The following NTRK2 variants were observed in gnomAD, a reference collection of about 807,000 sequenced individuals.
The protein encoded by NTRK2 is neurotrophic receptor tyrosine kinase 2, also known as BDNF/NT-3 growth factors receptor.
NTRK2 carries 13 observed loss-of-function variants against 94.5 expected under a neutral mutation model. The ratio of observed to expected loss-of-function variants is 0.14; its 90% CI spans 0.09 to 0.22. The LOEUF is 0.22. Ranked by LOEUF, NTRK2 falls within the 10% of genes least tolerant of loss-of-function variation. The pLI is 1.00. For synonymous variants in NTRK2, 372 were observed against 407.4 expected, an observed-to-expected ratio of 0.91 and a Z score of 1.05; for missense variants, 639 against 1,071.2, an observed-to-expected ratio of 0.60 and a Z score of 5.63.
intron 12 of NTRK2, among the ~76,000 whole-genome samples, chr9:84,825,876 G>C (rs2073152462): frequency 6.6e-6 from 1 of 152,210 alleles, no homozygotes; most frequent in African/African-American, 2.4e-5. Context: ...GGCTTTCAAA[G>C]AAACAGATGA....
intron 12 of NTRK2, among the ~76,000 whole-genome samples, chr9:84,845,250 T>TACACACACACACACAC (rs58910921): frequency 7.0e-4 from 104 of 148,006 alleles, no homozygotes; most frequent in African/African-American, 2.5e-3. Flanking sequence ...ATGTGGTGTA[T>TACACACACACACACAC]ACACACACAC....
chr9:84,915,635 G>A (rs775437495), intron 14 of NTRK2, among the ~76,000 whole-genome samples: 6 of 152,112 alleles, frequency 3.9e-5, no homozygotes, highest in Non-Finnish European at 7.4e-5. Context: ...AAATTACCCA[G>A]CCTCAGGTAT....
In NTRK2 at chr9:84,975,086, G is replaced by A. The variant is rs538280969; in HGVS notation, c.2172+19569G>A. ...TGGAAGGCGGCACCCTCCCCCGGGGGAGCACACACAAGCTGCTGCAGGCAA... is the reference window on the plus strand; with the variant it reads ...TGGAAGGCGGCACCCTCCCCCGGGGAAGCACACACAAGCTGCTGCAGGCAA... On this transcript the variant is annotated intron_variant, in intron 17 of 18. Coordinates refer to ENST00000277120, the MANE Select transcript of NTRK2 (RefSeq NM_006180.6). 2.0e-5 allele frequency among the ~76,000 whole-genome samples: 3 copies of A among 152,248 alleles called. No homozygotes were observed. In the South Asian group the frequency reaches 6.2e-4, roughly 32 times the overall value.
upstream of NTRK2, chr9:84,669,373 T>A (rs1028746299): frequency 1.3e-5 from 2 of 152,526 alleles, no homozygotes; most frequent in African/African-American, 4.8e-5. This position sits in a 1 kb window ranked among gnomAD's most constrained non-coding sequence, Gnocchi z 4.1. Flanking sequence ...GAGACTGTGG[T>A]GTGAATTAGG....
intron 12 of NTRK2, chr9:84,814,969 A>G: frequency 9.4e-7 from 1 of 1,059,954 alleles, no homozygotes; most frequent in South Asian, 4.6e-5. Context: ...GTTCATCTAA[A>G]GACATAGGGG....
At chr9:84,921,177 C>A (rs1453385599) in intron 14 of NTRK2, among the ~76,000 whole-genome samples, 1 of 152,164 alleles carries the variant, frequency 6.6e-6, no homozygotes, top group Non-Finnish European at 1.5e-5. Flanking sequence ...CCCAAAGGAC[C>A]CCAAAGCCCA....
chr9:84,951,575 CT>C (rs1423037563), intron 16 of NTRK2, among the ~76,000 whole-genome samples: 37 of 152,148 alleles, frequency 2.4e-4, no homozygotes, highest in African/African-American at 8.9e-4. Context: ...CAACTTGACT[CT>C]TTCACTTTCT....
chr9:84,924,121 A>G (rs77651835), intron 14 of NTRK2, among the ~76,000 whole-genome samples: 7,980 of 151,956 alleles, frequency 0.053, 289 homozygotes, highest in Admixed American at 0.11. Flanking sequence ...CTGAGGTGGG[A>G]GGACTGTTTG....
chr9:84,928,918 A>T (rs1035284690), intron 14 of NTRK2, among the ~76,000 whole-genome samples: 1 of 152,144 alleles, frequency 6.6e-6, no homozygotes, highest in African/African-American at 2.4e-5. Flanking sequence ...TATCCTTGTC[A>T]TATATTAGAT....
intron 12 of NTRK2, among the ~76,000 whole-genome samples, chr9:84,790,448 A>AG (rs779493403): frequency 2.6e-5 from 4 of 152,210 alleles, no homozygotes; most frequent in Admixed American, 6.5e-5. Flanking sequence ...AGGGATGCAG[A>AG]GTCCTGGCTT....
At chr9:84,751,148 A>G (rs2064563509) in intron 11 of NTRK2, among the ~76,000 whole-genome samples, 1 of 152,180 alleles carries the variant, frequency 6.6e-6, no homozygotes, top group South Asian at 2.1e-4. Flanking sequence ...AGTGCCACTC[A>G]CTGTTCCCAG....
chr9:84,836,854 G>A (rs1253310656), intron 12 of NTRK2, among the ~76,000 whole-genome samples: 11 of 150,484 alleles, frequency 7.3e-5, no homozygotes, highest in Middle Eastern at 3.4e-3. Context: ...AGATTTTCCT[G>A]CCAAGCGAGT....
At chr9:84,816,445 C>T (rs559458334) in intron 12 of NTRK2, among the ~76,000 whole-genome samples, 8 of 152,068 alleles carry the variant, frequency 5.3e-5, no homozygotes, top group African/African-American at 1.9e-4. Context: ...TCTAGTGTGA[C>T]CTCATGCTTT....
At chr9:84,700,047 G>A (rs2060629184) in intron 2 of NTRK2, among the ~76,000 whole-genome samples, 1 of 152,306 alleles carries the variant, frequency 6.6e-6, no homozygotes, top group Non-Finnish European at 1.5e-5. Flanking sequence ...AAAGAGTGAG[G>A]AAGAACTCTC....
intron 14 of NTRK2, among the ~76,000 whole-genome samples, chr9:84,868,475 T>G (rs2075696379): frequency 6.6e-6 from 1 of 152,142 alleles, no homozygotes; most frequent in Non-Finnish European, 1.5e-5. Flanking sequence ...TGTTTAAGGT[T>G]GGATATGAGT....
At chr9:84,998,087 A>C (rs1588147250) in intron 17 of NTRK2, among the ~76,000 whole-genome samples, 2 of 152,340 alleles carry the variant, frequency 1.3e-5, no homozygotes, top group East Asian at 3.9e-4. Flanking sequence ...TGAAGCCTGT[A>C]CATGCTCAGC....
chr9:84,732,437 T>A (rs539433695), intron 9 of NTRK2, among the ~76,000 whole-genome samples: 12 of 152,278 alleles, frequency 7.9e-5, no homozygotes, highest in Admixed American at 3.3e-4. Flanking sequence ...GTTTTTAAGG[T>A]CCCTAGTGAT....
At chr9:84,997,193 G>C (rs959482035) in intron 17 of NTRK2, among the ~76,000 whole-genome samples, 4 of 152,190 alleles carry the variant, frequency 2.6e-5, no homozygotes, top group Non-Finnish European at 5.9e-5. Context: ...GTAGGTATAG[G>C]GTTGGGCAGG....
intron 12 of NTRK2, among the ~76,000 whole-genome samples, chr9:84,816,272 C>G (rs1261079986): frequency 1.3e-5 from 2 of 152,136 alleles, no homozygotes; most frequent in African/African-American, 4.8e-5. Context: ...TCTCTATCCT[C>G]AGGTCAGCTG....
Sources: allele counts gnomAD v4.1 joint callset (sites outside exome capture counted in the v4.1 genomes callset), GRCh38; gene constraint gnomAD v4.1.1; non-coding constraint Gnocchi (gnomAD v3.1); transcripts MANE v1.5; gene names NCBI Gene and HGNC (gene_info 2026-07-23, HGNC 2026-07-21).